The following TTBK1 variants were observed in gnomAD, a reference collection of about 807,000 sequenced individuals.
TTBK1 encodes tau-tubulin kinase 1.
In TTBK1, 34 loss-of-function variants were observed where a neutral mutation model predicts 108.5. The ratio of observed to expected loss-of-function variants is 0.31; its 90% CI spans 0.24 to 0.42. The LOEUF is 0.42. TTBK1 is among the 10% of genes least tolerant of loss of function. TTBK1 has a pLI of 1.00. For missense variants in TTBK1, 1,539 were observed against 1,826.0 expected (o/e 0.84, Z 2.86); for synonymous variants, 809 against 795.1 (o/e 1.02, Z -0.29).
In TTBK1 at chr6:43,253,541, C is replaced by T; in HGVS notation, c.331-27C>T. ...TCTGGGATGATGGCTGAGGGTGAGTCTACCCCCCACCTCCACCCCCATGCA... is the reference window on the plus strand; with the variant it reads ...TCTGGGATGATGGCTGAGGGTGAGTTTACCCCCCACCTCCACCCCCATGCA... On this transcript the variant is annotated intron_variant, in intron 4 of 14. Transcript: ENST00000259750. This position sits in a 1 kb window ranked among gnomAD's most constrained non-coding sequence, Gnocchi z 5.8. The T allele has an allele frequency of 6.3e-7, 1 of 1,593,456 alleles. No individual in the cohort carries two copies. Among genetic ancestry groups the T allele is most frequent in the Admixed American group, 1.7e-5 (1 of 58,822 alleles).
chr6:43,271,755 G>T, intron 13 of TTBK1: 1 of 951,988 alleles, frequency 1.1e-6, no homozygotes, highest in Non-Finnish European at 1.2e-6. Context: ...ATCTTTCTTT[G>T]TAAGTCTATT....
At chr6:43,271,405 G>A (rs1261922841) in intron 13 of TTBK1, 9 of 985,418 alleles carry the variant, frequency 9.1e-6, no homozygotes, top group East Asian at 2.3e-4. Flanking sequence ...TGGCACGTGC[G>A]CAAGTTGCAC....
intron 13 of TTBK1, chr6:43,270,777 C>T: frequency 2.0e-6 from 2 of 985,418 alleles, no homozygotes; most frequent in South Asian, 9.4e-5. Flanking sequence ...AACGAGGAGA[C>T]CCAGCTTAGA....
At chr6:43,250,177 T>A (rs1777198073) in intron 2 of TTBK1, among the ~76,000 whole-genome samples, 1 of 152,124 alleles carries the variant, frequency 6.6e-6, no homozygotes, top group Non-Finnish European at 1.5e-5. Flanking sequence ...CATAAATGTC[T>A]TGGCTGTCCC....
intron 13 of TTBK1, among the ~76,000 whole-genome samples, chr6:43,264,649 G>A (rs936224938): frequency 1.3e-5 from 2 of 152,134 alleles, no homozygotes; most frequent in East Asian, 1.9e-4. Flanking sequence ...GGGAGAGGTC[G>A]GAGCATGGGA....
chr6:43,276,127 G>C lies in TTBK1; in HGVS notation c.1987-6600G>C, dbSNP rs1364620646. On this transcript the variant is annotated intron_variant, in intron 13 of 14. Coordinates refer to ENST00000259750, the MANE Select transcript of TTBK1 (RefSeq NM_032538.3). This position sits in a 1 kb window ranked among gnomAD's most constrained non-coding sequence, Gnocchi z 5.4. Reference sequence around the variant, plus strand: ...TCGCGGAGGTCCTGAGTCCCAGTCGGTTTATTCCTGAGCCTTCCCCTCCCA... The same window carrying C: ...TCGCGGAGGTCCTGAGTCCCAGTCGCTTTATTCCTGAGCCTTCCCCTCCCA... 6.6e-6 allele frequency among the ~76,000 whole-genome samples: 1 copy of C among 152,094 alleles called. No homozygotes were observed. The highest frequency in any genetic ancestry group is 1.5e-5 in the Non-Finnish European group (1 of 68,012).
chr6:43,258,892 G>A, intron 10 of TTBK1, 146 bp from the exon 11 acceptor site: 1 of 588,622 alleles, frequency 1.7e-6, no homozygotes. Context: ...AATGGTGATG[G>A]GCCTAGGGAC....
chr6:43,263,148 C>T lies in TTBK1; in HGVS notation c.1784C>T (p.Pro595Leu), dbSNP rs1287457175. 6.4e-7 allele frequency: 1 copy of T among 1,567,708 alleles called. No individual in the cohort carries two copies. The highest frequency in any genetic ancestry group is 8.7e-7 in the Non-Finnish European group (1 of 1,155,264). Residue 595 changes from proline (P) to leucine (L), a missense_variant, in exon 13 of 15, where the codon CCC (proline) becomes CTC (leucine). Coordinates refer to ENST00000259750, the MANE Select transcript of TTBK1 (RefSeq NM_032538.3). This position sits in a 1 kb window ranked among gnomAD's most constrained non-coding sequence, Gnocchi z 4.7. Reference sequence around the variant, plus strand: ...CTGGGGGCAGAGCCCACCGTCCGGCCCCGGGGACGCAGCATGCAGGCGCTG... The same window carrying T: ...CTGGGGGCAGAGCCCACCGTCCGGCTCCGGGGACGCAGCATGCAGGCGCTG... ...RRLGAEPTVR[P>L]RGRSMQALAE...
Position 43,269,587 on chromosome 6 carries a change from G to C in TTBK1, c.1986+6237G>C. 1 of 1,530,300 alleles carries C rather than the reference G, an allele frequency of 6.5e-7. No individual in the cohort carries two copies. Among genetic ancestry groups the C allele is most frequent in the Non-Finnish European group, 8.8e-7 (1 of 1,135,706 alleles). 94.8% of individuals were successfully genotyped at this position (1,530,300 alleles called of 1,614,324 possible). A position where few individuals can be genotyped will look rare whatever the true frequency, so the allele number is the denominator to read the frequency against. On this transcript the variant is annotated intron_variant, in intron 13 of 14. Coordinates refer to ENST00000259750, the MANE Select transcript of TTBK1 (RefSeq NM_032538.3). The surrounding 1 kb of genome is among the most constrained non-coding windows in gnomAD (Gnocchi z 4.8). The stretch of plus-strand genomic sequence containing the variant: ...AGCGGTGGGTGGCCCCGGAGACGGA[G>C]CTGTCGAGTCTGTGCCTGACACCTC...
Position 43,284,121 on chromosome 6 carries a change from G to T in TTBK1, c.3381G>T (p.Thr1127=), listed in dbSNP as rs113460131. 3.2e-6 allele frequency: 5 copies of T among 1,539,558 alleles called. No homozygotes were observed. In the South Asian group the frequency reaches 3.5e-5, roughly 11 times the overall value. The change falls in exon 14 of 15, where the codon ACG becomes ACT. Residue 1127 remains threonine, a synonymous_variant. Coordinates refer to ENST00000259750, the MANE Select transcript of TTBK1 (RefSeq NM_032538.3). The stretch of plus-strand genomic sequence containing the variant: ...GTGCCTCTGAGACCCTCTCAGGCAC[G>T]GGCTCTGAGGAGGACACGCCCGCCT... ...QRRASETLSG[T]GSEEDTPASE...
intron 6 of TTBK1, among the ~76,000 whole-genome samples, 174 bp downstream of exon 6, chr6:43,254,825 T>C (rs534599606): frequency 8.5e-5 from 13 of 152,192 alleles, no homozygotes; most frequent in African/African-American, 3.1e-4. Flanking sequence ...GCCGTTAGCC[T>C]GTACTCTTGG....
At chr6:43,250,418 G>A (rs1480403681) in intron 2 of TTBK1, among the ~76,000 whole-genome samples, 2 of 143,378 alleles carry the variant, frequency 1.4e-5, no homozygotes, top group African/African-American at 2.6e-5. Context: ...GTGCAATGGC[G>A]TGATCTCAGC....
intron 1 of TTBK1, among the ~76,000 whole-genome samples, chr6:43,244,798 G>GC (rs1242683512): frequency 6.6e-6 from 1 of 151,862 alleles, no homozygotes; most frequent in Admixed American, 6.6e-5. Flanking sequence ...GCTTCTGAAG[G>GC]CCCCCTCCCA....
intron 13 of TTBK1, chr6:43,270,367 C>G (rs1439126351): frequency 2.0e-6 from 2 of 1,006,986 alleles, no homozygotes; most frequent in African/African-American, 1.7e-5. Flanking sequence ...ATGGCTGGGT[C>G]TGATCCACCC....
At position 43,269,992 on chromosome 6, in the gene TTBK1, G is replaced by C. The variant is rs948148629; in HGVS notation, c.1986+6642G>C. On this transcript the variant is annotated intron_variant, in intron 13 of 14. Coordinates refer to ENST00000259750, the MANE Select transcript of TTBK1 (RefSeq NM_032538.3). The surrounding 1 kb of genome is among the most constrained non-coding windows in gnomAD (Gnocchi z 4.8). ...TCCTGGAGGGGGCAGGTGGGGGGGG[G>C]TGGGGAGCAGGCAGAGGACCATGGT... The C allele has an allele frequency of 7.0e-6, 10 of 1,429,530 alleles. No individual in the cohort carries two copies. In the East Asian group the frequency reaches 2.3e-4, roughly 33 times the overall value. The allele number at this position is 1,429,530 out of a possible 1,614,324, so 88.6% of individuals were successfully genotyped here. A position where few individuals can be genotyped will look rare whatever the true frequency, so the allele number is the denominator to read the frequency against.
chr6:43,284,453 A>C, intron 14 of TTBK1, 141 bp downstream of exon 14: 3 of 1,375,502 alleles, frequency 2.2e-6, no homozygotes, highest in Non-Finnish European at 2.8e-6. Context: ...GCACCTCCCA[A>C]CTGTGCTCTG....
At chr6:43,275,360 G>A (rs1777946479) in intron 13 of TTBK1, among the ~76,000 whole-genome samples, 1 of 149,924 alleles carries the variant, frequency 6.7e-6, no homozygotes, top group Non-Finnish European at 1.5e-5. Flanking sequence ...GTCCCCCGCC[G>A]CCCCCGTCGC....
At chr6:43,252,490 G>A (rs1020185711) in intron 2 of TTBK1, among the ~76,000 whole-genome samples, 1 of 151,992 alleles carries the variant, frequency 6.6e-6, no homozygotes, top group Non-Finnish European at 1.5e-5. Flanking sequence ...AGGAGGGCAT[G>A]GTGGTGTGCA....
intron 2 of TTBK1, among the ~76,000 whole-genome samples, chr6:43,250,639 G>A (rs572837640): frequency 6.6e-6 from 1 of 152,074 alleles, no homozygotes; most frequent in Non-Finnish European, 1.5e-5. Flanking sequence ...GATTACAGGC[G>A]GGAGCCACCG....
Sources: gnomAD v4.1 joint callset for allele counts (sites outside exome capture counted in the v4.1 genomes callset) on GRCh38, gnomAD v4.1.1 for gene constraint, Gnocchi (gnomAD v3.1) non-coding constraint, MANE v1.5 for transcripts, NCBI Gene and HGNC (gene_info 2026-07-23, HGNC 2026-07-21) for gene names.